MITF: variants seen among roughly 807,000 people sequenced by gnomAD.
The protein encoded by MITF is melanocyte inducing transcription factor.
In MITF, 17 loss-of-function variants were observed where a neutral mutation model predicts 60.5. The ratio of observed to expected loss-of-function variants is 0.28; its 90% CI spans 0.19 to 0.42. The LOEUF is 0.42. MITF is among the 10% of genes least tolerant of loss of function. The probability of loss-of-function intolerance (pLI) is 1.00; values close to 1 mark genes in which losing one functional copy is unlikely to be tolerated. For missense variants in MITF, 622 were observed against 683.5 expected (o/e 0.91, Z 1.00); for synonymous variants, 260 against 248.5 (o/e 1.05, Z -0.43).
At chr3:69,763,915 A>T in intron 1 of MITF, 1 of 1,373,292 alleles carries the variant, frequency 7.3e-7, no homozygotes, top group Non-Finnish European at 9.7e-7. Flanking sequence ...GAAACCAGGA[A>T]ATTGACTCTG....
chr3:69,944,236 C>A (rs958642472), intron 5 of MITF, among the ~76,000 whole-genome samples: 1 of 152,024 alleles, frequency 6.6e-6, no homozygotes, highest in Non-Finnish European at 1.5e-5. Flanking sequence ...TATGGATATG[C>A]CTAATAGGTG....
intron 1 of MITF, among the ~76,000 whole-genome samples, chr3:69,755,378 C>T (rs1227333133): frequency 6.8e-6 from 1 of 146,762 alleles, no homozygotes; most frequent in Non-Finnish European, 1.5e-5. Flanking sequence ...CCAATATAAG[C>T]CATAAGGCCC....
chr3:69,748,153 A>G (rs1703799876), intron 1 of MITF, among the ~76,000 whole-genome samples: 1 of 152,222 alleles, frequency 6.6e-6, no homozygotes, highest in Non-Finnish European at 1.5e-5. Context: ...GCATGCATTT[A>G]ATTTGACATC....
chr3:69,797,321 G>A (rs764768086), intron 1 of MITF, among the ~76,000 whole-genome samples: 4 of 151,802 alleles, frequency 2.6e-5, no homozygotes, highest in African/African-American at 9.7e-5. Flanking sequence ...TTTTTGTCTC[G>A]ATGGAAATTT....
At chr3:69,919,171 T>C (rs1158368081) in intron 2 of MITF, among the ~76,000 whole-genome samples, 1 of 152,232 alleles carries the variant, frequency 6.6e-6, no homozygotes, top group East Asian at 1.9e-4. Flanking sequence ...AAAGTGTTAA[T>C]TAAATAATAT....
At chr3:69,802,531 G>A (rs1007607370) in intron 1 of MITF, among the ~76,000 whole-genome samples, 1 of 152,072 alleles carries the variant, frequency 6.6e-6, no homozygotes, top group Non-Finnish European at 1.5e-5. Context: ...TGGGGTGGGT[G>A]ACAGGCCAAG....
chr3:69,797,092 A>G (rs1326994592), intron 1 of MITF, among the ~76,000 whole-genome samples: 1 of 152,204 alleles, frequency 6.6e-6, no homozygotes, highest in African/African-American at 2.4e-5. Context: ...GTATGCAGGG[A>G]TTTGTATCAT....
chr3:69,806,000 G>A (rs558977800), intron 1 of MITF, among the ~76,000 whole-genome samples: 1 of 152,148 alleles, frequency 6.6e-6, no homozygotes, highest in South Asian at 2.1e-4. Flanking sequence ...GAGCTGTTAT[G>A]ACTTAGTCCA....
intron 2 of MITF, chr3:69,936,573 C>A: frequency 6.7e-7 from 1 of 1,499,052 alleles, no homozygotes. Flanking sequence ...ATAAGCAGGG[C>A]TTCTGTGATA....
At chr3:69,961,550 CAA>C (rs36044055) in intron 9 of MITF, among the ~76,000 whole-genome samples, 38,718 of 126,912 alleles carry the variant, frequency 0.31, 5,154 homozygotes, top group Admixed American at 0.33. Context: ...ACCAAAAATA[CAA>C]AAAAAAAAAA....
rs137904015 is a variant in MITF at position 69,964,849 on chromosome 3, A to G, written c.1182A>G (p.Glu394=). 2.4e-4 allele frequency: 381 copies of G among 1,613,912 alleles called. 2 individuals are homozygous for G. The highest frequency in any genetic ancestry group is 4.9e-4 in the Middle Eastern group (3 of 6,084). Residue 394 remains glutamate (E), a splice_region_variant and synonymous_variant, in exon 10 of 10, where the codon GAA becomes GAG. Transcript: ENST00000352241. ...ANRHLLLRIQ[E]LEMQARAHGL... ...TTTTATCTTTACTCTTATTATAGGA[A>G]CTTGAAATGCAGGCTCGAGCTCATG...
At chr3:69,920,261 G>A (rs1037389849) in intron 2 of MITF, among the ~76,000 whole-genome samples, 5 of 152,156 alleles carry the variant, frequency 3.3e-5, no homozygotes, top group African/African-American at 9.7e-5. Flanking sequence ...TAGCGGTAGC[G>A]GAAAGTGTCA....
At chr3:69,806,323 G>C (rs893270145) in intron 1 of MITF, among the ~76,000 whole-genome samples, 1 of 151,942 alleles carries the variant, frequency 6.6e-6, no homozygotes, top group Admixed American at 6.6e-5. Context: ...CTGACCTCAA[G>C]TGATCACCTG....
chr3:69,817,903 A>T (rs1041085502), intron 1 of MITF, among the ~76,000 whole-genome samples: 1 of 152,140 alleles, frequency 6.6e-6, no homozygotes, highest in African/African-American at 2.4e-5. Context: ...AATATCCTGC[A>T]TTGTGTCTTA....
intron 2 of MITF, among the ~76,000 whole-genome samples, chr3:69,881,902 T>C (rs1027073633): frequency 1.3e-5 from 2 of 152,160 alleles, no homozygotes; most frequent in African/African-American, 4.8e-5. Flanking sequence ...AGAACATGCC[T>C]GCTTCTCAGT....
At chr3:69,828,219 C>T (rs1202618366) in intron 1 of MITF, among the ~76,000 whole-genome samples, 2 of 41,338 alleles carry the variant, frequency 4.8e-5, no homozygotes, top group South Asian at 4.8e-4. Context: ...GAGCTTTGAC[C>T]GACCAGAGAT....
chr3:69,844,031 A>G (rs1322180167), intron 1 of MITF, among the ~76,000 whole-genome samples: 1 of 152,138 alleles, frequency 6.6e-6, no homozygotes, highest in South Asian at 2.1e-4. Context: ...GCTGAGAATT[A>G]TGGTTTCCAG....
chr3:69,900,644 G>A (rs1289443645), intron 2 of MITF, among the ~76,000 whole-genome samples: 1 of 152,100 alleles, frequency 6.6e-6, no homozygotes, highest in Non-Finnish European at 1.5e-5. Flanking sequence ...CCCTTTTTTT[G>A]TTAAGGAGAA....
intron 1 of MITF, among the ~76,000 whole-genome samples, chr3:69,802,150 G>A (rs1400845970): frequency 6.6e-6 from 1 of 152,174 alleles, no homozygotes. Context: ...GCTCCCAGAA[G>A]ACATTGGGCA....
Sources: allele counts gnomAD v4.1 joint callset (sites outside exome capture counted in the v4.1 genomes callset), GRCh38; gene constraint gnomAD v4.1.1; transcripts MANE v1.5; gene names NCBI Gene and HGNC (gene_info 2026-07-23, HGNC 2026-07-21).